The following TENM3 variants were observed in gnomAD, a reference collection of about 807,000 sequenced individuals.
TENM3 encodes teneurin-3.
Under a neutral mutation model 255.1 loss-of-function variants are expected in TENM3, and 63 were observed. The ratio of observed to expected loss-of-function variants is 0.25; its 90% CI spans 0.20 to 0.30. The LOEUF (loss-of-function observed/expected upper bound fraction) is 0.30. TENM3 is among the 10% of genes least tolerant of loss of function. The probability of loss-of-function intolerance (pLI) is 1.00; values close to 1 mark genes in which losing one functional copy is unlikely to be tolerated. For synonymous variants in TENM3, 1,306 were observed against 1,322.3 expected (o/e 0.99, Z 0.27); for missense variants, 2,929 against 3,461.1 (o/e 0.85, Z 3.86).
the TENM3 span, among the ~76,000 whole-genome samples, chr4:182,103,738 C>A: frequency 6.6e-6 from 1 of 152,174 alleles, no homozygotes; most frequent in African/African-American, 2.4e-5. Context: ...TGTGTTTAAA[C>A]CATTATGGTT....
At chr4:182,030,382 C>T in the TENM3 span, among the ~76,000 whole-genome samples, 13 of 152,144 alleles carry the variant, frequency 8.5e-5, no homozygotes, top group East Asian at 2.5e-3. Context: ...TGGCTTCCAG[C>T]TCCATCCCTG....
At chr4:181,705,908 T>C in the TENM3 span, among the ~76,000 whole-genome samples, 2 of 152,156 alleles carry the variant, frequency 1.3e-5, no homozygotes, top group Non-Finnish European at 2.9e-5. Context: ...TCATTTAATA[T>C]AAATTTAAGT....
At chr4:181,771,804 C>T in the TENM3 span, among the ~76,000 whole-genome samples, 4 of 152,300 alleles carry the variant, frequency 2.6e-5, no homozygotes, top group South Asian at 6.2e-4. Flanking sequence ...CCACATTTTG[C>T]GAAGCAAGGC....
intron 4 of TENM3, among the ~76,000 whole-genome samples, chr4:182,604,298 A>G (rs1433756783): frequency 2.0e-5 from 3 of 152,220 alleles, no homozygotes; most frequent in Non-Finnish European, 4.4e-5. Flanking sequence ...ATGCCTTTGC[A>G]GTTCATAAGC....
At chr4:181,491,085 T>G in the TENM3 span, among the ~76,000 whole-genome samples, 34 of 152,236 alleles carry the variant, frequency 2.2e-4, no homozygotes, top group Non-Finnish European at 4.0e-4. Flanking sequence ...ACTTCGTGAT[T>G]TACGAATGCC....
chr4:182,076,207 C>A, the TENM3 span, among the ~76,000 whole-genome samples: 1 of 110,174 alleles, frequency 9.1e-6, no homozygotes, highest in Non-Finnish European at 1.9e-5. Flanking sequence ...TCTCCTTCTT[C>A]TTCTTCTTTT....
intron 1 of TENM3, among the ~76,000 whole-genome samples, chr4:182,179,458 G>C (rs72696030): frequency 3.9e-5 from 6 of 152,272 alleles, no homozygotes; most frequent in South Asian, 2.1e-4. Context: ...GGCATTTCTC[G>C]ATTCAACTGC....
chr4:182,203,221 A>C (rs896904328), intron 1 of TENM3, among the ~76,000 whole-genome samples: 13 of 151,954 alleles, frequency 8.6e-5, no homozygotes, highest in Admixed American at 7.9e-4. Flanking sequence ...CCATCTCAAA[A>C]AAAAAAAAGA....
chr4:181,936,154 G>C, the TENM3 span, among the ~76,000 whole-genome samples: 1 of 152,132 alleles, frequency 6.6e-6, no homozygotes, highest in African/African-American at 2.4e-5. Context: ...CACTTTGGGA[G>C]GCCAAGGTGG....
the TENM3 span, among the ~76,000 whole-genome samples, chr4:181,797,891 A>G: frequency 3.3e-5 from 5 of 152,182 alleles, no homozygotes; most frequent in African/African-American, 1.2e-4. Flanking sequence ...TTTTCTGACT[A>G]TGATAATAAA....
intron 3 of TENM3, among the ~76,000 whole-genome samples, chr4:182,453,245 T>G (rs2151333045): frequency 6.6e-6 from 1 of 152,300 alleles, no homozygotes; most frequent in Non-Finnish European, 1.5e-5. Flanking sequence ...TTTTGCAGGT[T>G]GAAAACCACT....
At chr4:181,947,782 G>T in the TENM3 span, among the ~76,000 whole-genome samples, 1 of 152,114 alleles carries the variant, frequency 6.6e-6, no homozygotes, top group Non-Finnish European at 1.5e-5. Context: ...CTAAATTAGT[G>T]CAGTATCAGT....
intron 3 of TENM3, among the ~76,000 whole-genome samples, chr4:182,481,969 G>A (rs1389137230): frequency 6.6e-6 from 1 of 152,130 alleles, no homozygotes; most frequent in Non-Finnish European, 1.5e-5. Flanking sequence ...TACCAAAGAA[G>A]TAAATTTCTC....
the TENM3 span, among the ~76,000 whole-genome samples, chr4:181,461,243 TG>T: frequency 7.2e-5 from 11 of 152,256 alleles, no homozygotes; most frequent in South Asian, 2.3e-3. Flanking sequence ...CAAAGTCTAT[TG>T]TAATTCTTAT....
intron 12 of TENM3, among the ~76,000 whole-genome samples, chr4:182,697,016 G>A (rs1054656718): frequency 6.6e-6 from 1 of 152,068 alleles, no homozygotes; most frequent in African/African-American, 2.4e-5. Context: ...AATGAAAATA[G>A]TAACTACCTC....
intron 3 of TENM3, among the ~76,000 whole-genome samples, chr4:182,417,573 T>C (rs1002842577): frequency 2.0e-5 from 3 of 152,156 alleles, no homozygotes; most frequent in Non-Finnish European, 4.4e-5. Flanking sequence ...ATTGATTATT[T>C]AAAAATAATG....
chr4:181,613,235 CTTCTCCTTGTT>C, the TENM3 span, among the ~76,000 whole-genome samples: 3 of 152,154 alleles, frequency 2.0e-5, no homozygotes, highest in Non-Finnish European at 2.9e-5. Context: ...GAGACATCTC[CTTCTCCTTGTT>C]CCTAGATTTG....
Position 182,773,583 on chromosome 4 carries a change from A to C in TENM3, c.5004A>C (p.Arg1668=). 6.2e-7 allele frequency: 1 copy of C among 1,613,890 alleles called. No homozygotes were observed. Among genetic ancestry groups the C allele is most frequent in the Non-Finnish European group, 8.5e-7 (1 of 1,179,840 alleles). The change falls in exon 23 of 28, where the codon CGA becomes CGC. Residue 1668 remains arginine, a synonymous_variant. Transcript: ENST00000511685. ...AITVDIESSS[R]EEDVSITSNL... ...CAGTGGACATTGAGTCATCTAGCCG[A>C]GAAGAAGATGTCAGCATCACTTCAA...
the TENM3 span, among the ~76,000 whole-genome samples, chr4:182,111,654 A>G: frequency 0.15 from 22,431 of 152,174 alleles, 1,962 homozygotes; most frequent in Non-Finnish European, 0.2. Context: ...CTAACATACC[A>G]TTGGGATTCT....
Sources: allele counts gnomAD v4.1 joint callset (sites outside exome capture counted in the v4.1 genomes callset), GRCh38; gene constraint gnomAD v4.1.1; transcripts MANE v1.5; gene names NCBI Gene and HGNC (gene_info 2026-07-23, HGNC 2026-07-21).